Variants in CADM2 observed in about 807,000 individuals in gnomAD.
CADM2 encodes cell adhesion molecule 2, also known as immunoglobulin superfamily member 4D.
CADM2 carries 12 observed loss-of-function variants against 49.8 expected under a neutral mutation model. That is an observed-to-expected ratio of 0.24 (90% CI 0.15 to 0.39). CADM2 has a LOEUF of 0.39. Among genes scored for constraint, CADM2 ranks in the 10% least tolerant of loss-of-function variants. The probability of loss-of-function intolerance (pLI) is 1.00; values close to 1 mark genes in which losing one functional copy is unlikely to be tolerated. For synonymous variants in CADM2, 214 were observed against 175.4 expected, an observed-to-expected ratio of 1.22 and a Z score of -1.74; for missense variants, 378 against 492.3, an observed-to-expected ratio of 0.77 and a Z score of 2.20.
intron 1 of CADM2, among the ~76,000 whole-genome samples, chr3:85,230,896 A>T (rs141595222): frequency 0.012 from 1,776 of 152,262 alleles, 29 homozygotes; most frequent in African/African-American, 0.041. Context: ...CTGCCATAAG[A>T]AAATGCCACA....
At chr3:85,560,545 A>C (rs1440905628) in intron 1 of CADM2, among the ~76,000 whole-genome samples, 2 of 152,218 alleles carry the variant, frequency 1.3e-5, no homozygotes. Flanking sequence ...GACATTCCAC[A>C]TGGAGGAAGT....
intron 1 of CADM2, among the ~76,000 whole-genome samples, chr3:85,087,934 T>C (rs1423776672): frequency 6.6e-6 from 1 of 152,196 alleles, no homozygotes; most frequent in Non-Finnish European, 1.5e-5. Context: ...TTTTATTTAC[T>C]GTTAATGCCT....
intron 8 of CADM2, among the ~76,000 whole-genome samples, chr3:86,021,628 A>G (rs1184278481): frequency 6.6e-6 from 1 of 152,108 alleles, no homozygotes; most frequent in Admixed American, 6.5e-5. Context: ...AAAATATTGG[A>G]TTATTCTTTC....
At chr3:85,073,338 A>G (rs975549889) in intron 1 of CADM2, among the ~76,000 whole-genome samples, 2 of 152,164 alleles carry the variant, frequency 1.3e-5, no homozygotes, top group Non-Finnish European at 2.9e-5. Context: ...AGTAATAATA[A>G]TTGGAAGACA....
intron 1 of CADM2, among the ~76,000 whole-genome samples, chr3:85,524,700 C>T (rs1461397155): frequency 5.3e-5 from 8 of 152,034 alleles, no homozygotes; most frequent in Non-Finnish European, 2.9e-5. Context: ...TTAATTTTTT[C>T]TGTCAATTAT....
intron 7 of CADM2, among the ~76,000 whole-genome samples, chr3:85,959,082 ATATC>A (rs1724475791): frequency 6.6e-6 from 1 of 151,086 alleles, no homozygotes; most frequent in African/African-American, 2.4e-5. Context: ...CTATATAGCT[ATATC>A]TATATCTTTA....
At chr3:85,952,072 G>GA (rs949974784) in intron 7 of CADM2, among the ~76,000 whole-genome samples, 81 of 148,896 alleles carry the variant, frequency 5.4e-4, no homozygotes, top group East Asian at 4.7e-3. Context: ...TTTGTAATTA[G>GA]AAAAAAAAAT....
At chr3:85,036,485 A>G (rs1309151656) in intron 1 of CADM2, among the ~76,000 whole-genome samples, 1 of 152,114 alleles carries the variant, frequency 6.6e-6, no homozygotes, top group Non-Finnish European at 1.5e-5. Flanking sequence ...AGCTATTGAC[A>G]ACTATGAATT....
At chr3:85,805,017 T>C (rs2072314518) in intron 3 of CADM2, among the ~76,000 whole-genome samples, 1 of 152,162 alleles carries the variant, frequency 6.6e-6, no homozygotes, top group Non-Finnish European at 1.5e-5. Context: ...CTTGGCTCAC[T>C]GCATCCTCCG....
At chr3:85,656,548 G>A (rs1394340607) in intron 1 of CADM2, among the ~76,000 whole-genome samples, 3 of 152,128 alleles carry the variant, frequency 2.0e-5, no homozygotes, top group African/African-American at 7.2e-5. Context: ...CCTGAGAGGC[G>A]GAGGTTGCAG....
At chr3:85,897,774 T>C (rs1482947072) in intron 5 of CADM2, among the ~76,000 whole-genome samples, 2 of 152,200 alleles carry the variant, frequency 1.3e-5, no homozygotes, top group Non-Finnish European at 2.9e-5. Flanking sequence ...TATAAAACTT[T>C]AATTTGAATG....
At chr3:85,969,687 C>A (rs1372476966) in intron 8 of CADM2, among the ~76,000 whole-genome samples, 3 of 150,042 alleles carry the variant, frequency 2.0e-5, no homozygotes, top group Admixed American at 6.7e-5. Context: ...TATTATATGC[C>A]CTCACACTAG....
At chr3:85,553,988 A>C (rs529000138) in intron 1 of CADM2, among the ~76,000 whole-genome samples, 6 of 152,278 alleles carry the variant, frequency 3.9e-5, no homozygotes, top group Non-Finnish European at 8.8e-5. Context: ...GTGGTAAATA[A>C]GTAACAAATT....
At chr3:85,569,539 C>T (rs879540562) in intron 1 of CADM2, among the ~76,000 whole-genome samples, 3 of 152,042 alleles carry the variant, frequency 2.0e-5, no homozygotes, top group Non-Finnish European at 2.9e-5. Context: ...TTCCAGCCAG[C>T]AATATACGAG....
intron 1 of CADM2, among the ~76,000 whole-genome samples, chr3:85,104,334 G>T (rs1487562416): frequency 6.6e-6 from 1 of 151,440 alleles, no homozygotes; most frequent in Non-Finnish European, 1.5e-5. Flanking sequence ...TTTTTCTCAG[G>T]TTTGTCAAAG....
chr3:85,055,750 A>G (rs546692433), intron 1 of CADM2, among the ~76,000 whole-genome samples: 1 of 152,080 alleles, frequency 6.6e-6, no homozygotes, highest in Middle Eastern at 3.4e-3. Context: ...ATACATTTCT[A>G]TTACTTGCTA....
At chr3:85,175,919 CTTTTTTTTTT>C (rs11329456) in intron 1 of CADM2, among the ~76,000 whole-genome samples, 794 of 76,326 alleles carry the variant, frequency 0.01, 16 homozygotes, top group African/African-American at 0.044. Flanking sequence ...ATGTCCTAAT[CTTTTTTTTTT>C]TTTTTTTTTT....
At chr3:85,851,236 A>G (rs1320534638) in intron 3 of CADM2, among the ~76,000 whole-genome samples, 2 of 152,170 alleles carry the variant, frequency 1.3e-5, no homozygotes, top group Non-Finnish European at 2.9e-5. Flanking sequence ...AGGCTAGAGG[A>G]CAGTTGTGAC....
chr3:85,444,119 T>C (rs771045036), intron 1 of CADM2, among the ~76,000 whole-genome samples: 32 of 152,276 alleles, frequency 2.1e-4, no homozygotes, highest in Middle Eastern at 3.4e-3. Flanking sequence ...CTTTAAATTA[T>C]ATTGTTTCTG....
Sources: allele counts gnomAD v4.1 joint callset (sites outside exome capture counted in the v4.1 genomes callset), GRCh38; gene constraint gnomAD v4.1.1; transcripts MANE v1.5; gene names NCBI Gene and HGNC (gene_info 2026-07-23, HGNC 2026-07-21).